Variants in TNNT3 observed in about 807,000 individuals in gnomAD.
TNNT3 encodes the protein troponin T, fast skeletal muscle.
TNNT3 carries 36 observed loss-of-function variants against 54.2 expected under a neutral mutation model. The observed-to-expected ratio is 0.66, with a 90% CI of 0.51 to 0.88. The LOEUF (loss-of-function observed/expected upper bound fraction) is 0.88, where lower values mean the gene tolerates loss of function less well. TNNT3 is among the 40% of genes least tolerant of loss of function. TNNT3 has a pLI of 0.00. For synonymous variants in TNNT3, 120 were observed against 109.7 expected, an observed-to-expected ratio of 1.09 and a Z score of -0.59; for missense variants, 291 against 331.6, an observed-to-expected ratio of 0.88 and a Z score of 0.95.
At chr11:1,920,706 C>T (rs555189377) in intron 1 of TNNT3, among the ~76,000 whole-genome samples, 10 of 152,220 alleles carry the variant, frequency 6.6e-5, no homozygotes, top group Middle Eastern at 3.4e-3. Flanking sequence ...GCATACGTGC[C>T]CGAAGAAACT....
At chr11:1,935,440 G>A in intron 14 of TNNT3, 1 of 233,402 alleles carries the variant, frequency 4.3e-6, no homozygotes, top group Non-Finnish European at 8.5e-6. Context: ...TGGGAAAAGG[G>A]GCCTGGGACT....
In TNNT3 at chr11:1,934,021, T is replaced by C; in HGVS notation, c.366+13T>C. On this transcript the variant is annotated intron_variant, in intron 11 of 15. Transcript: ENST00000278317. Reference sequence around the variant, plus strand: ...GAACAGACTGGCGGTGAGGGCACCATCCGCACTGCTGCCTCATCAGAGAAT... The same window carrying C: ...GAACAGACTGGCGGTGAGGGCACCACCCGCACTGCTGCCTCATCAGAGAAT... 1 of 1,609,508 alleles carries C rather than the reference T, an allele frequency of 6.2e-7. No homozygotes were observed.
intron 9 of TNNT3, among the ~76,000 whole-genome samples, chr11:1,933,246 C>G (rs1853975251): frequency 6.6e-6 from 1 of 151,290 alleles, no homozygotes; most frequent in Admixed American, 6.6e-5. Context: ...TCCATCCATT[C>G]ATCCATCCAT....
intron 8 of TNNT3, among the ~76,000 whole-genome samples, chr11:1,930,357 G>C (rs1589956773): frequency 6.6e-6 from 1 of 152,320 alleles, no homozygotes; most frequent in African/African-American, 2.4e-5. Context: ...GAGTCCGGAA[G>C]TGGAGAAAGG....
Position 1,923,824 on chromosome 11 carries a change from G to A in TNNT3, c.49+252G>A, listed in dbSNP as rs573228622. Among the ~76,000 whole-genome samples, 6 of 152,094 alleles carry A rather than the reference G, an allele frequency of 3.9e-5. No homozygotes were observed. In the South Asian group the frequency reaches 8.3e-4, roughly 21 times the overall value. On this transcript the variant is annotated intron_variant, in intron 4 of 15. Coordinates refer to ENST00000278317, the MANE Select transcript of TNNT3 (RefSeq NM_006757.4). Reference sequence around the variant, plus strand: ...ATCACTAACCCCTGTCTCTTTAATCGATTAATATGCATTCACGATCCTTCA... The same window carrying A: ...ATCACTAACCCCTGTCTCTTTAATCAATTAATATGCATTCACGATCCTTCA...
At position 1,923,040 on chromosome 11, in the gene TNNT3, C is replaced by T. The variant is rs1457484122; in HGVS notation, c.18-8C>T. On this transcript the variant is annotated splice_polypyrimidine_tract_variant and splice_region_variant and intron_variant, in intron 2 of 15. Coordinates refer to ENST00000278317, the MANE Select transcript of TNNT3 (RefSeq NM_006757.4). ...CTCTTTCTTTCTCTCTCTCTCCCTG[C>T]CCCACAGTGAACAGGTGGAGGGTAA... The T allele has an allele frequency of 1.2e-6, 2 of 1,613,882 alleles. No homozygotes were observed. The highest frequency in any genetic ancestry group is 2.7e-5 in the African/African-American group (2 of 74,920).
At chr11:1,922,760 C>T (rs1412772536) in intron 1 of TNNT3, 97 bp from the exon 2 acceptor site, 15 of 1,263,774 alleles carry the variant, frequency 1.2e-5, no homozygotes, top group East Asian at 4.7e-5. Flanking sequence ...TCCCCCACAG[C>T]GCTGCTCCAA....
At chr11:1,925,418 TAAC>T (rs748961651) in intron 5 of TNNT3, 20 of 877,340 alleles carry the variant, frequency 2.3e-5, no homozygotes, top group Non-Finnish European at 3.7e-5. Flanking sequence ...GGCCCTAATG[TAAC>T]CCACTAACCG....
At chr11:1,923,134 C>T (rs377388998) in intron 3 of TNNT3, 73 bp downstream of exon 3, 5 of 1,589,970 alleles carry the variant, frequency 3.1e-6, no homozygotes, top group Non-Finnish European at 4.3e-6. Context: ...GGGGGCTGGA[C>T]TGTGCATACC....
At chr11:1,925,410 C>T in intron 5 of TNNT3, 1 of 994,204 alleles carries the variant, frequency 1.0e-6, no homozygotes, top group Non-Finnish European at 1.5e-6. Context: ...CCACATGTGG[C>T]CCTAATGTAA....
chr11:1,929,022 GGGCCCCTTGCCCGCCACA>G lies in TNNT3; in HGVS notation c.83-85_83-68del, dbSNP rs759957497. The stretch of plus-strand genomic sequence containing the variant: ...AAGAGAGTGTCCGAGTGAGAGGGGT[GGGCCCCTTGCCCGCCACA>G]GGCCCCTTGCCCACTGCTCCCCCGC... On this transcript the variant is annotated intron_variant, in intron 6 of 15. Transcript: ENST00000278317. 2.8e-5 allele frequency: 38 copies of G among 1,376,136 alleles called. No homozygotes were observed. The Admixed American group carries it at 3.5e-4, about 13-fold the overall frequency. 85.2% of individuals were successfully genotyped at this position (1,376,136 alleles called of 1,614,324 possible).
chr11:1,938,222 G>A (rs1006532022), intron 15 of TNNT3: 5 of 603,110 alleles, frequency 8.3e-6, no homozygotes, highest in South Asian at 1.9e-5. Flanking sequence ...CCGGGCTCAC[G>A]TGCCAGCCCC....
chr11:1,929,306 G>T lies in TNNT3; in HGVS notation c.106+163G>T, dbSNP rs115985047. Among the ~76,000 whole-genome samples, 4,963 of 152,294 alleles carry T rather than the reference G, an allele frequency of 0.033. 298 individuals carry two copies. The highest frequency in any genetic ancestry group is 0.11 in the African/African-American group (4,584 of 41,558). On this transcript the variant is annotated intron_variant, in intron 7 of 15. Coordinates refer to ENST00000278317, the MANE Select transcript of TNNT3 (RefSeq NM_006757.4). ...TCGGAGGGCCAGGCCTTGCTGCTCC[G>T]CACGGTGCCGCTGGGGTCGAGCTGC... is the stretch of plus-strand genomic sequence containing the variant.
At position 1,933,966 on chromosome 11, in the gene TNNT3, G is replaced by A. The variant is rs756260831; in HGVS notation, c.324G>A (p.Arg108=). 9 of 1,612,570 alleles carry A rather than the reference G, an allele frequency of 5.6e-6. No homozygotes were observed. Among genetic ancestry groups the A allele is most frequent in the South Asian group, 5.5e-5 (5 of 91,070 alleles). Residue 108 remains arginine, a synonymous_variant, in exon 11 of 16, where the codon AGG becomes AGA. Transcript: ENST00000278317. Reference sequence around the variant, plus strand: ...GTGCAGAGAGAGCGGAGCAGCAGAGGATTCGTGCAGAGAAGGAGAGGGAGC... The same window carrying A: ...GTGCAGAGAGAGCGGAGCAGCAGAGAATTCGTGCAGAGAAGGAGAGGGAGC... ...KRRAERAEQQ[R]IRAEKERERQ...
In TNNT3 at chr11:1,938,596, CT is replaced by C; in HGVS notation, c.*105del. 20 of 1,234,144 alleles carry C rather than the reference CT, an allele frequency of 1.6e-5. No individual in the cohort carries two copies. The highest frequency in any genetic ancestry group is 2.3e-5 in the Non-Finnish European group (20 of 853,402). 76.4% of individuals were successfully genotyped at this position (1,234,144 alleles called of 1,614,324 possible). On this transcript the variant is annotated 3_prime_UTR_variant, in exon 16 of 16. Transcript: ENST00000278317. ...CCAGCCCCCACAATCCTGTCAGGGG[CT>C]CCCTGACAGTCCTGGGGGTGGAGAG... is the stretch of plus-strand genomic sequence containing the variant.
intron 6 of TNNT3, 147 bp downstream of exon 6, chr11:1,926,856 C>A: frequency 1.8e-6 from 2 of 1,086,098 alleles, no homozygotes; most frequent in Non-Finnish European, 1.4e-6. Flanking sequence ...AGAGTGAGGA[C>A]CCTGGCTTGG....
At chr11:1,934,276 CA>C in intron 11 of TNNT3, 55 bp from the exon 12 acceptor site, 1 of 1,537,102 alleles carries the variant, frequency 6.5e-7, no homozygotes, top group Non-Finnish European at 9.0e-7. Flanking sequence ...AAAGCCTGCC[CA>C]GAAAGCATAG....
chr11:1,937,957 G>A (rs996558525), intron 15 of TNNT3, among the ~76,000 whole-genome samples: 12 of 152,128 alleles, frequency 7.9e-5, no homozygotes, highest in Admixed American at 3.9e-4. Context: ...CTCGCGGGCC[G>A]AAGCACTCCT....
intron 8 of TNNT3, among the ~76,000 whole-genome samples, chr11:1,930,190 A>G (rs1406114156): frequency 6.6e-6 from 1 of 151,930 alleles, no homozygotes; most frequent in Non-Finnish European, 1.5e-5. Context: ...GGAAGGAGGG[A>G]GGAGAGGTGG....
Sources: gnomAD v4.1 joint callset for allele counts (sites outside exome capture counted in the v4.1 genomes callset) on GRCh38, gnomAD v4.1.1 for gene constraint, MANE v1.5 for transcripts, NCBI Gene and HGNC (gene_info 2026-07-23, HGNC 2026-07-21) for gene names.